Variants in KIF1A observed in about 807,000 individuals in gnomAD.
KIF1A encodes kinesin-like protein KIF1A.
A neutral mutation model predicts 227.3 loss-of-function variants in KIF1A; 46 were observed. The ratio of observed to expected loss-of-function variants is 0.20; its 90% CI spans 0.16 to 0.26. KIF1A has a LOEUF of 0.26. Among genes scored for constraint, KIF1A ranks in the 10% least tolerant of loss-of-function variants. The pLI, the probability that KIF1A is intolerant of heterozygous loss-of-function variation, is 1.00. For synonymous variants in KIF1A, 1,022 were observed against 1,012.8 expected (o/e 1.01, Z -0.17); for missense variants, 1,683 against 2,485.9 (o/e 0.68, Z 6.87).
At position 240,778,152 on chromosome 2, in the gene KIF1A, G is replaced by A. The variant is rs776010662; in HGVS notation, c.883-2226C>T. ...CCTTTATTCCTCCATTCAGGAAAAC[G>A]GCAGTCACTCGAATGCGGACCCCAC... On this transcript the variant is annotated intron_variant, in intron 10 of 48. Coordinates refer to ENST00000498729, the MANE Select transcript of KIF1A (RefSeq NM_001244008.2). The surrounding 1 kb of genome is among the most constrained non-coding windows in gnomAD (Gnocchi z 7.2). Among the ~76,000 whole-genome samples the A allele has an allele frequency of 1.3e-5, 2 of 152,004 alleles. No individual in the cohort carries two copies. The highest frequency in any genetic ancestry group is 1.9e-4 in the East Asian group (1 of 5,170).
chr2:240,740,499 C>CTT lies in KIF1A; in HGVS notation c.3750-136_3750-135insAA. 2 of 715,074 alleles carry CTT rather than the reference C, an allele frequency of 2.8e-6. No homozygotes were observed. Among genetic ancestry groups the CTT allele is most frequent in the Non-Finnish European group, 2.4e-6 (1 of 409,740 alleles). The allele number at this position is 715,074 out of a possible 1,614,324, so 44.3% of individuals were successfully genotyped here. Reference sequence around the variant, plus strand: ...TCTGGTGAAGATCAGGTGGTCTGATCCATGGAGACCACGGTCAGCTGAGCA... The same window carrying CTT: ...TCTGGTGAAGATCAGGTGGTCTGATCTTCATGGAGACCACGGTCAGCTGAGCA... On this transcript the variant is annotated intron_variant, in intron 35 of 48. Transcript: ENST00000498729. The surrounding 1 kb of genome is among the most constrained non-coding windows in gnomAD (Gnocchi z 6.1).
chr2:240,745,620 T>C, intron 31 of KIF1A, 103 bp from the exon 32 acceptor site: 1 of 1,481,956 alleles, frequency 6.7e-7, no homozygotes, highest in South Asian at 1.2e-5. Flanking sequence ...GTTCAGGGCC[T>C]GCGGGCTGGG....
intron 8 of KIF1A, 129 bp from the exon 9 acceptor site, chr2:240,783,238 G>A: frequency 1.3e-6 from 1 of 771,706 alleles, no homozygotes; most frequent in Non-Finnish European, 2.3e-6. Flanking sequence ...GATCTCTGGG[G>A]CCACTTGGGC....
In KIF1A at chr2:240,719,907, G is replaced by A. The variant is rs202072706; in HGVS notation, c.4888C>T (p.Arg1630Trp). 21 of 1,610,530 alleles carry A rather than the reference G, an allele frequency of 1.3e-5. No individual in the cohort carries two copies. The African/African-American group carries it at 1.3e-4, about 10-fold the overall frequency. Residue 1630 changes from arginine to tryptophan, a missense_variant, in exon 46 of 49, where the codon CGG becomes TGG. Physicochemically the swap from Arg to Trp is moderately radical, Grantham distance 101. Coordinates refer to ENST00000498729, the MANE Select transcript of KIF1A (RefSeq NM_001244008.2). The part of the protein sequence containing the change: ...TDLRTPQPCS[R>W]PASPEPELLP... ...AGCTCGGGCTCTGGGCTGGCTGGCC[G>A]GGAGCAGGGCTGCGGGGTCCTGGGA...
At chr2:240,730,807 C>G (rs1285353284) in intron 38 of KIF1A, among the ~76,000 whole-genome samples, 1 of 152,230 alleles carries the variant, frequency 6.6e-6, no homozygotes, top group Non-Finnish European at 1.5e-5. Flanking sequence ...ACACAGGCAG[C>G]CCATCTGTCT....
At chr2:240,738,903 GC>G (rs1428110910) in intron 37 of KIF1A, among the ~76,000 whole-genome samples, 1 of 152,228 alleles carries the variant, frequency 6.6e-6, no homozygotes, top group Admixed American at 6.5e-5. Context: ...GGGCAGTGCT[GC>G]CCCAGGGATC....
chr2:240,771,273 G>C, intron 14 of KIF1A, 169 bp from the exon 15 acceptor site: 1 of 809,154 alleles, frequency 1.2e-6, no homozygotes, highest in African/African-American at 1.7e-5. Context: ...GCCCAGAGAA[G>C]GCAAGAAACA....
chr2:240,789,395 G>T lies in KIF1A; in HGVS notation c.107-83C>A. ...CATCTACACTCCAAGGTGGGGAGAT[G>T]GTCTTAAGAGGCCTCGGGCCCCAGA... On this transcript the variant is annotated intron_variant, in intron 2 of 48. Transcript: ENST00000498729. This position sits in a 1 kb window ranked among gnomAD's most constrained non-coding sequence, Gnocchi z 4.8. The T allele has an allele frequency of 1.7e-6, 2 of 1,158,050 alleles. No individual in the cohort carries two copies. Among genetic ancestry groups the T allele is most frequent in the South Asian group, 2.5e-5 (2 of 79,830 alleles). 71.7% of individuals were successfully genotyped at this position (1,158,050 alleles called of 1,614,324 possible).
intron 32 of KIF1A, among the ~76,000 whole-genome samples, chr2:240,744,656 C>G (rs1243631246): frequency 2.0e-5 from 3 of 152,174 alleles, no homozygotes; most frequent in African/African-American, 7.2e-5. Context: ...GTTCTATAAG[C>G]CAAGGATAGA....
rs559618660 is a variant in KIF1A, at chr2:240,754,152, T to C, written c.2858+3167A>G. Among the ~76,000 whole-genome samples the C allele has an allele frequency of 3.9e-5, 6 of 152,334 alleles. No individual in the cohort carries two copies. In the South Asian group the frequency reaches 1.2e-3, roughly 32 times the overall value. On this transcript the variant is annotated intron_variant, in intron 27 of 48. Transcript: ENST00000498729. Reference sequence around the variant, plus strand: ...CAGATGGGCAAGATGCAGCCCAGACTGTGCCCCAAAGGTGGGGACTGCTGG... The same window carrying C: ...CAGATGGGCAAGATGCAGCCCAGACCGTGCCCCAAAGGTGGGGACTGCTGG...
At chr2:240,785,873 A>G (rs989287756) in intron 6 of KIF1A, among the ~76,000 whole-genome samples, 2 of 152,114 alleles carry the variant, frequency 1.3e-5, no homozygotes, top group Non-Finnish European at 2.9e-5. Context: ...GTCTGTTGCC[A>G]TGACAACCAG....
chr2:240,741,419 A>G (rs754864669), intron 34 of KIF1A, 42 bp from the exon 35 acceptor site: 1 of 1,424,136 alleles, frequency 7.0e-7, no homozygotes, highest in Admixed American at 2.2e-5. Context: ...GGGAGACCTG[A>G]CCTATCACGT....
chr2:240,816,394 C>T lies in KIF1A; in HGVS notation c.-61+3728G>A, dbSNP rs552648748. On this transcript the variant is annotated intron_variant, in intron 1 of 48. Transcript: ENST00000498729. ...ATATGCATGTGGATCTGTGTGTGTT[C>T]GAGTGGATGCATGTGACTATGAGTG... is the stretch of plus-strand genomic sequence containing the variant. 1.0e-3 allele frequency among the ~76,000 whole-genome samples: 153 copies of T among 151,900 alleles called. 1 individual carries two copies. The highest frequency in any genetic ancestry group is 3.3e-3 in the African/African-American group (138 of 41,392).
chr2:240,719,701 G>A, intron 46 of KIF1A, 73 bp downstream of exon 46: 1 of 1,421,852 alleles, frequency 7.0e-7, no homozygotes, highest in Non-Finnish European at 9.3e-7. Flanking sequence ...CCCAGTATGG[G>A]GAGCAGGGTG....
chr2:240,719,926 C>T lies in KIF1A; in HGVS notation c.4869G>A (p.Arg1623=), dbSNP rs372521322. The change falls in exon 46 of 49, where the codon AGG becomes AGA. Residue 1623 remains arginine (R), a splice_region_variant and synonymous_variant. Coordinates refer to ENST00000498729, the MANE Select transcript of KIF1A (RefSeq NM_001244008.2). ...CTGGCCGGGAGCAGGGCTGCGGGGT[C>T]CTGGGAAGCAGAGGGAAGTGCTGCC... ...VEGRYGATDL[R]TPQPCSRPAS... 2.7e-5 allele frequency: 43 copies of T among 1,606,144 alleles called. No homozygotes were observed. Among genetic ancestry groups the T allele is most frequent in the Non-Finnish European group, 3.5e-5 (41 of 1,177,502 alleles).
At chr2:240,814,277 C>T (rs1467095154) in intron 1 of KIF1A, among the ~76,000 whole-genome samples, 1 of 152,008 alleles carries the variant, frequency 6.6e-6, no homozygotes, top group Non-Finnish European at 1.5e-5. Flanking sequence ...AGACAGGATC[C>T]TAAAAGCTTC....
In KIF1A at chr2:240,741,352, C is replaced by T. The variant is rs1444238934; in HGVS notation, c.3666G>A (p.Leu1222=). 1 of 1,585,930 alleles carries T rather than the reference C, an allele frequency of 6.3e-7. No individual in the cohort carries two copies. The highest frequency in any genetic ancestry group is 8.5e-7 in the Non-Finnish European group (1 of 1,170,342). Residue 1222 remains leucine, a synonymous_variant, in exon 35 of 49, where the codon CTG becomes CTA. Coordinates refer to ENST00000498729, the MANE Select transcript of KIF1A (RefSeq NM_001244008.2). The part of the protein sequence containing the change: ...KPVPATKLST[L]TRPCPGPCHC... ...GGCAGGGTCCCGGACAGGGCCGCGT[C>T]AGTGTGCTGAGCTTGGTGGCGGGCA... is the stretch of plus-strand genomic sequence containing the variant.
At chr2:240,738,950 A>C (rs1169457829) in intron 37 of KIF1A, among the ~76,000 whole-genome samples, 1 of 152,262 alleles carries the variant, frequency 6.6e-6, no homozygotes, top group African/African-American at 2.4e-5. Flanking sequence ...TCCATAAACC[A>C]GCTGTGTATT....
chr2:240,734,768 C>A (rs749844220), intron 38 of KIF1A: 3 of 1,304,126 alleles, frequency 2.3e-6, no homozygotes, highest in South Asian at 2.5e-5. Flanking sequence ...AACAATCACA[C>A]GGTTAGTGAG....
Sources: allele counts gnomAD v4.1 joint callset (sites outside exome capture counted in the v4.1 genomes callset), GRCh38; gene constraint gnomAD v4.1.1; non-coding constraint Gnocchi (gnomAD v3.1); transcripts MANE v1.5; gene names NCBI Gene and HGNC (gene_info 2026-07-23, HGNC 2026-07-21).